The following PTPN22 variants were observed in gnomAD, a reference collection of about 807,000 sequenced individuals.
PTPN22 encodes the protein tyrosine-protein phosphatase non-receptor type 22.
A neutral mutation model predicts 103.3 loss-of-function variants in PTPN22; 85 were observed. That is an observed-to-expected ratio of 0.82 (90% confidence interval 0.69 to 0.99). PTPN22 has a LOEUF of 0.99. Ranked by LOEUF, PTPN22 falls within the 50% of genes least tolerant of loss-of-function variation. The pLI, the probability that PTPN22 is intolerant of heterozygous loss-of-function variation, is 0.00. For missense variants in PTPN22, 865 were observed against 936.9 expected (o/e 0.92, Z 1.00); for synonymous variants, 323 against 310.2 (o/e 1.04, Z -0.43).
At chr1:113,842,664 CTG>C (rs1663660607) in intron 11 of PTPN22, among the ~76,000 whole-genome samples, 1 of 151,696 alleles carries the variant, frequency 6.6e-6, no homozygotes, top group African/African-American at 2.4e-5. Context: ...CAGAGCGAGA[CTG>C]TGCTCAAAAG....
At chr1:113,818,708 T>C (rs968119100) in intron 20 of PTPN22, among the ~76,000 whole-genome samples, 2 of 152,202 alleles carry the variant, frequency 1.3e-5, no homozygotes, top group African/African-American at 4.8e-5. Context: ...CTTTTGCAAT[T>C]TAGTTATAGC....
chr1:113,842,602 A>G (rs548446961), intron 11 of PTPN22, among the ~76,000 whole-genome samples: 414 of 152,166 alleles, frequency 2.7e-3, no homozygotes, highest in African/African-American at 9.5e-3. Flanking sequence ...TGAACCCGGG[A>G]GGCAGAGGTT....
intron 13 of PTPN22, among the ~76,000 whole-genome samples, chr1:113,836,770 A>G (rs1458204495): frequency 6.6e-6 from 1 of 151,898 alleles, no homozygotes; most frequent in African/African-American, 2.4e-5. Flanking sequence ...TCTAAAAAAA[A>G]AAAAAATTAG....
chr1:113,863,318 CT>C (rs1665784847), intron 1 of PTPN22, among the ~76,000 whole-genome samples: 1 of 152,194 alleles, frequency 6.6e-6, no homozygotes, highest in Admixed American at 6.5e-5. Flanking sequence ...GTCTTGAACT[CT>C]TGACCTCAAG....
chr1:113,833,485 T>C (rs1307264930), intron 15 of PTPN22, among the ~76,000 whole-genome samples: 1 of 152,156 alleles, frequency 6.6e-6, no homozygotes, highest in Non-Finnish European at 1.5e-5. Flanking sequence ...CCTCTGGGAG[T>C]TGTTAAAGTA....
intron 1 of PTPN22, among the ~76,000 whole-genome samples, chr1:113,866,238 C>T (rs1282413952): frequency 6.6e-6 from 1 of 152,062 alleles, no homozygotes; most frequent in Non-Finnish European, 1.5e-5. Flanking sequence ...ACAGGCTGGG[C>T]GCGGTGGCTC....
At chr1:113,861,735 C>G (rs1571464613) in intron 1 of PTPN22, among the ~76,000 whole-genome samples, 1 of 151,864 alleles carries the variant, frequency 6.6e-6, no homozygotes, top group Non-Finnish European at 1.5e-5. Context: ...TCCAATATCC[C>G]AAGAAAGAAC....
At chr1:113,861,947 A>C (rs1361613738) in intron 1 of PTPN22, among the ~76,000 whole-genome samples, 2 of 152,082 alleles carry the variant, frequency 1.3e-5, no homozygotes, top group Admixed American at 6.6e-5. Context: ...CCCTAGAGGA[A>C]GTACCATCAA....
chr1:113,869,093 G>A (rs1413565369), intron 1 of PTPN22, among the ~76,000 whole-genome samples: 2 of 152,102 alleles, frequency 1.3e-5, no homozygotes, highest in Admixed American at 1.3e-4. Context: ...GCTCATGCCT[G>A]TAATCCCAGC....
chr1:113,834,576 T>A (rs1662817920), intron 14 of PTPN22, 137 bp from the exon 15 acceptor site: 3 of 999,524 alleles, frequency 3.0e-6, no homozygotes, highest in Non-Finnish European at 4.5e-6. Flanking sequence ...TTTTATTTTT[T>A]GAGACAGGGT....
At chr1:113,864,924 A>C (rs982898947) in intron 1 of PTPN22, among the ~76,000 whole-genome samples, 2 of 149,886 alleles carry the variant, frequency 1.3e-5, no homozygotes, top group Non-Finnish European at 3.0e-5. Flanking sequence ...AAAAAAAAAA[A>C]AAAAATTACC....
chr1:113,865,325 G>A (rs1666030479), intron 1 of PTPN22, among the ~76,000 whole-genome samples: 1 of 152,010 alleles, frequency 6.6e-6, no homozygotes, highest in Non-Finnish European at 1.5e-5. Context: ...CAGAAAAAAA[G>A]TCATGATTTT....
intron 1 of PTPN22, among the ~76,000 whole-genome samples, chr1:113,869,497 CG>C (rs1049253906): frequency 4.0e-5 from 6 of 151,720 alleles, no homozygotes; most frequent in Non-Finnish European, 7.4e-5. Context: ...CGAGTTTAAG[CG>C]ATTCTCCTGT....
At chr1:113,832,055 A>C (rs1662594048) in intron 16 of PTPN22, among the ~76,000 whole-genome samples, 1 of 151,912 alleles carries the variant, frequency 6.6e-6, no homozygotes, top group East Asian at 1.9e-4. Flanking sequence ...AAGGGATTCT[A>C]TTCTTTTATA....
At chr1:113,842,631 G>A (rs1484380756) in intron 11 of PTPN22, among the ~76,000 whole-genome samples, 4 of 151,970 alleles carry the variant, frequency 2.6e-5, no homozygotes, top group Non-Finnish European at 5.9e-5. Context: ...CCAAGATTGC[G>A]CCACTGCACT....
At chr1:113,850,268 G>GGAAGGAAA (rs1392596700) in intron 10 of PTPN22, among the ~76,000 whole-genome samples, 2 of 126,070 alleles carry the variant, frequency 1.6e-5, no homozygotes, top group African/African-American at 3.1e-5. Flanking sequence ...AAGGAAGGAA[G>GGAAGGAAA]GAAGGAAAGA....
intron 1 of PTPN22, among the ~76,000 whole-genome samples, chr1:113,867,126 T>A (rs745572027): frequency 5.3e-5 from 8 of 152,236 alleles, no homozygotes; most frequent in Non-Finnish European, 7.3e-5. Flanking sequence ...TCAATAATAT[T>A]GTTTTATAAC....
At chr1:113,816,122 T>C (rs1661126644) in intron 20 of PTPN22, among the ~76,000 whole-genome samples, 1 of 152,212 alleles carries the variant, frequency 6.6e-6, no homozygotes, top group Non-Finnish European at 1.5e-5. Context: ...ATCATACAAA[T>C]TGTATTATCT....
At chr1:113,815,733 C>T (rs1003616097) in intron 20 of PTPN22, among the ~76,000 whole-genome samples, 1 of 152,210 alleles carries the variant, frequency 6.6e-6, no homozygotes, top group Non-Finnish European at 1.5e-5. Flanking sequence ...GGCTGGAGTG[C>T]AGTGGCGCGA....
Sources: allele counts gnomAD v4.1 joint callset (sites outside exome capture counted in the v4.1 genomes callset), GRCh38; gene constraint gnomAD v4.1.1; transcripts MANE v1.5; gene names NCBI Gene and HGNC (gene_info 2026-07-23, HGNC 2026-07-21).